The following TMED3 variants were observed in gnomAD, a reference collection of about 807,000 sequenced individuals.
The protein encoded by TMED3 is transmembrane emp24 domain-containing protein 3.
A neutral mutation model predicts 15.0 loss-of-function variants in TMED3; 9 were observed. The observed-to-expected ratio is 0.60, with a 90% CI of 0.36 to 1.04. The LOEUF (loss-of-function observed/expected upper bound fraction) is 1.04, where lower values mean the gene tolerates loss of function less well. TMED3 is among the 50% of genes least tolerant of loss of function. The pLI, the probability that TMED3 is intolerant of heterozygous loss-of-function variation, is 0.01. For synonymous variants in TMED3, 117 were observed against 121.4 expected, an observed-to-expected ratio of 0.96 and a Z score of 0.24; for missense variants, 267 against 278.9, an observed-to-expected ratio of 0.96 and a Z score of 0.30.
chr15:79,322,122 A>T lies in TMED3; in HGVS notation c.562A>T (p.Ile188Phe). ...CTCTTACTGGTCTGTTGGCGAGACG[A>T]TTGCCCTGTTCGTGGTCAGCTTCAG... ...RVSYWSVGETIALFVVSFSQV... is the reference protein window; with the variant it reads ...RVSYWSVGETFALFVVSFSQV... Residue 188 changes from isoleucine to phenylalanine, a missense_variant, in exon 3 of 3, where the codon ATT becomes TTT. Transcript: ENST00000299705. The T allele has an allele frequency of 6.2e-7, 1 of 1,614,122 alleles. No homozygotes were observed. Among genetic ancestry groups the T allele is most frequent in the Non-Finnish European group, 8.5e-7 (1 of 1,180,000 alleles).
intron 2 of TMED3, among the ~76,000 whole-genome samples, chr15:79,347,647 C>G (rs2058875802): frequency 6.6e-6 from 1 of 152,174 alleles, no homozygotes; most frequent in Admixed American, 6.5e-5. Context: ...AGTCTCACCT[C>G]AAAAGCCCCT....
rs551786062 is a variant in TMED3 at position 79,413,363 on chromosome 15, A to G, written c.*1859A>G. On this transcript the variant is annotated 3_prime_UTR_variant, in exon 3 of 3. Transcript: ENST00000424155. ...GTAGAGCTCTGTGATCCACCCAATT[A>G]TTGGCTCATCAAGGAGTGTGCCACA... The G allele has an allele frequency of 2.0e-5, 3 of 152,330 alleles. No individual in the cohort carries two copies. In the South Asian group the frequency reaches 6.2e-4, roughly 32 times the overall value. 9.4% of individuals were successfully genotyped at this position (152,330 alleles called of 1,614,324 possible). A position where few individuals can be genotyped will look rare whatever the true frequency, so the allele number is the denominator to read the frequency against.
At chr15:79,356,859 G>T (rs28495402) in intron 2 of TMED3, among the ~76,000 whole-genome samples, 22,047 of 152,132 alleles carry the variant, frequency 0.14, 1,591 homozygotes, top group Middle Eastern at 0.2. Flanking sequence ...ATATTCATCA[G>T]TAAGTTAAAT....
chr15:79,405,424 C>T (rs917996160), intron 2 of TMED3, among the ~76,000 whole-genome samples: 2 of 152,226 alleles, frequency 1.3e-5, no homozygotes, highest in Non-Finnish European at 2.9e-5. Context: ...AATCCTCTCT[C>T]ACTCGTGTCC....
At chr15:79,367,204 G>C (rs951073921) in intron 2 of TMED3, among the ~76,000 whole-genome samples, 5 of 152,166 alleles carry the variant, frequency 3.3e-5, no homozygotes, top group Non-Finnish European at 7.3e-5. Context: ...ATATGATGCA[G>C]AACTAAAACA....
chr15:79,393,828 T>A (rs2141254678), intron 2 of TMED3, among the ~76,000 whole-genome samples: 1 of 152,272 alleles, frequency 6.6e-6, no homozygotes, highest in East Asian at 1.9e-4. Context: ...CCTGAGTATC[T>A]GGGACCGCAG....
downstream of TMED3, among the ~76,000 whole-genome samples, chr15:79,324,325 G>T (rs2141219744): frequency 6.6e-6 from 1 of 152,274 alleles, no homozygotes; most frequent in South Asian, 2.1e-4. Flanking sequence ...AAGCTTTACA[G>T]TTAAACAGCA....
chr15:79,313,843 C>T lies in TMED3; in HGVS notation c.255C>T (p.Tyr85=), dbSNP rs752357996. The change falls in exon 2 of 3, where the codon TAC becomes TAT. Residue 85 remains tyrosine, a synonymous_variant. Transcript: ENST00000299705. The stretch of plus-strand genomic sequence containing the variant: ...TCTACAGAGAAACGAAGAAGCAGTA[C>T]GACAGCTTCACGTACCGGGCTGAAG... ...NTIYRETKKQ[Y]DSFTYRAEVK... 21 of 1,614,092 alleles carry T rather than the reference C, an allele frequency of 1.3e-5. No individual in the cohort carries two copies. Among genetic ancestry groups the T allele is most frequent in the East Asian group, 8.9e-5 (4 of 44,902 alleles).
At chr15:79,315,167 C>T (rs2141213219) in intron 2 of TMED3, among the ~76,000 whole-genome samples, 1 of 152,316 alleles carries the variant, frequency 6.6e-6, no homozygotes, top group East Asian at 1.9e-4. Flanking sequence ...ATTCATTTGC[C>T]CAGTCTTCCA....
intron 2 of TMED3, among the ~76,000 whole-genome samples, chr15:79,402,562 G>A (rs1017496114): frequency 1.3e-5 from 2 of 151,274 alleles, no homozygotes; most frequent in Non-Finnish European, 3.0e-5. Flanking sequence ...GGTGGATCAC[G>A]AGGTCAGGGG....
At chr15:79,338,426 C>T (rs2058835117) in intron 2 of TMED3, among the ~76,000 whole-genome samples, 1 of 152,098 alleles carries the variant, frequency 6.6e-6, no homozygotes, top group Non-Finnish European at 1.5e-5. Context: ...AGGGCTATTG[C>T]AAGGTTTCAA....
intron 2 of TMED3, among the ~76,000 whole-genome samples, chr15:79,320,048 C>T (rs2058759149): frequency 1.3e-5 from 2 of 152,140 alleles, no homozygotes. Context: ...CTCTGAACTC[C>T]ACTGGGAAAA....
intron 2 of TMED3, among the ~76,000 whole-genome samples, chr15:79,379,204 G>A (rs904514785): frequency 3.3e-5 from 5 of 152,080 alleles, no homozygotes; most frequent in Admixed American, 2.0e-4. Context: ...TTTACTTTCA[G>A]TATGCCTTTG....
At chr15:79,334,340 T>C (rs1163096009) in intron 2 of TMED3, among the ~76,000 whole-genome samples, 1 of 152,148 alleles carries the variant, frequency 6.6e-6, no homozygotes, top group Non-Finnish European at 1.5e-5. Flanking sequence ...AGAAGAAGGT[T>C]TTGGTCCTGA....
intron 2 of TMED3, among the ~76,000 whole-genome samples, chr15:79,358,004 C>T (rs879689370): frequency 1.4e-4 from 21 of 152,182 alleles, no homozygotes; most frequent in Non-Finnish European, 1.9e-4. Context: ...GTACCCGTCT[C>T]GGCTTCTCTG....
At chr15:79,329,260 T>A (rs2058798680) in intron 2 of TMED3, among the ~76,000 whole-genome samples, 1 of 152,136 alleles carries the variant, frequency 6.6e-6, no homozygotes, top group Admixed American at 6.5e-5. Flanking sequence ...TCACCAGACC[T>A]CATGGGAGCA....
chr15:79,333,373 C>T (rs986398486), intron 2 of TMED3, among the ~76,000 whole-genome samples: 1 of 152,226 alleles, frequency 6.6e-6, no homozygotes, highest in East Asian at 1.9e-4. Flanking sequence ...CCCTGCTCAC[C>T]ACCAAACTGC....
At chr15:79,354,448 A>G (rs910577822) in intron 2 of TMED3, among the ~76,000 whole-genome samples, 1 of 152,140 alleles carries the variant, frequency 6.6e-6, no homozygotes, top group Non-Finnish European at 1.5e-5. Flanking sequence ...GCTTTGCCGC[A>G]GCCAGAACCC....
chr15:79,370,357 G>A (rs1249082847), intron 2 of TMED3, among the ~76,000 whole-genome samples: 1 of 149,294 alleles, frequency 6.7e-6, no homozygotes, highest in Non-Finnish European at 1.5e-5. Context: ...GATGACTGTA[G>A]GTCCAGAGCT....
Sources: gnomAD v4.1 joint callset for allele counts (sites outside exome capture counted in the v4.1 genomes callset) on GRCh38, gnomAD v4.1.1 for gene constraint, MANE v1.5 for transcripts, NCBI Gene and HGNC (gene_info 2026-07-23, HGNC 2026-07-21) for gene names.